RASGRF2: variants seen among roughly 807,000 people sequenced by gnomAD.
RASGRF2 encodes ras-specific guanine nucleotide-releasing factor 2.
In RASGRF2, 76 loss-of-function variants were observed where a neutral mutation model predicts 151.0. That is an observed-to-expected ratio of 0.50 (90% CI 0.42 to 0.61). RASGRF2 has a LOEUF of 0.61. RASGRF2 is among the 20% of genes least tolerant of loss of function. The pLI, the probability that RASGRF2 is intolerant of heterozygous loss-of-function variation, is 0.00. For missense variants in RASGRF2, 1,148 were observed against 1,564.6 expected (o/e 0.73, Z 4.49); for synonymous variants, 504 against 566.5 (o/e 0.89, Z 1.57).
At chr5:81,043,095 T>C (rs1750729705) in intron 2 of RASGRF2, 112 bp downstream of exon 2, 1 of 706,392 alleles carries the variant, frequency 1.4e-6, no homozygotes, top group Admixed American at 2.7e-5. Flanking sequence ...AGTTTTCTCC[T>C]GGTACCTATT....
intron 15 of RASGRF2, among the ~76,000 whole-genome samples, chr5:81,120,072 G>A (rs1228085285): frequency 6.6e-6 from 1 of 152,072 alleles, no homozygotes; most frequent in African/African-American, 2.4e-5. Flanking sequence ...AGGCTTCTTA[G>A]TCACATTCAC....
At chr5:81,084,235 C>G (rs1752164146) in intron 7 of RASGRF2, among the ~76,000 whole-genome samples, 2 of 152,174 alleles carry the variant, frequency 1.3e-5, no homozygotes, top group African/African-American at 4.8e-5. Flanking sequence ...CTTTCCTACA[C>G]CTGTCCTGTT....
At chr5:81,167,632 C>G (rs1754543687) in intron 17 of RASGRF2, among the ~76,000 whole-genome samples, 1 of 152,140 alleles carries the variant, frequency 6.6e-6, no homozygotes, top group Non-Finnish European at 1.5e-5. Context: ...ATGGAAGCCC[C>G]CATGAGCAGC....
chr5:81,216,914 A>T (rs746972612), intron 24 of RASGRF2: 16 of 439,826 alleles, frequency 3.6e-5, no homozygotes, highest in South Asian at 1.6e-4. Flanking sequence ...AAAACAGAAA[A>T]CAAGTTTTTA....
At chr5:81,166,716 A>T (rs1754519356) in intron 17 of RASGRF2, among the ~76,000 whole-genome samples, 1 of 152,086 alleles carries the variant, frequency 6.6e-6, no homozygotes. Context: ...TATCAGATGC[A>T]TGGTGGGCAA....
intron 2 of RASGRF2, among the ~76,000 whole-genome samples, chr5:81,045,152 T>A (rs1750797472): frequency 6.6e-6 from 1 of 152,210 alleles, no homozygotes; most frequent in Admixed American, 6.5e-5. Flanking sequence ...GAAAGAAGCA[T>A]CAAGCTGGCA....
At chr5:81,147,830 G>A (rs1019579663) in intron 17 of RASGRF2, among the ~76,000 whole-genome samples, 2 of 152,194 alleles carry the variant, frequency 1.3e-5, no homozygotes, top group African/African-American at 4.8e-5. Flanking sequence ...AAACAGTAGA[G>A]CAACTTAGTC....
chr5:80,987,264 G>A (rs936194149), intron 1 of RASGRF2, among the ~76,000 whole-genome samples: 1 of 152,292 alleles, frequency 6.6e-6, no homozygotes, highest in South Asian at 2.1e-4. Flanking sequence ...GCTCCCATTT[G>A]TTGAGCACTG....
chr5:81,167,507 G>A (rs187287188), intron 17 of RASGRF2, among the ~76,000 whole-genome samples: 16 of 152,312 alleles, frequency 1.1e-4, no homozygotes, highest in Admixed American at 5.2e-4. Context: ...GTTAGAATCC[G>A]TCTGAAATTC....
intron 5 of RASGRF2, among the ~76,000 whole-genome samples, chr5:81,074,002 T>C (rs998089508): frequency 2.6e-5 from 4 of 152,206 alleles, no homozygotes; most frequent in African/African-American, 9.7e-5. Context: ...CATTGTCTTA[T>C]CGCATGGAGA....
chr5:81,087,662 C>G, intron 9 of RASGRF2: 1 of 418,190 alleles, frequency 2.4e-6, no homozygotes, highest in Non-Finnish European at 4.3e-6. Flanking sequence ...TAAACCACAT[C>G]CCAAGTTATT....
chr5:81,017,508 A>G (rs1022532164), intron 1 of RASGRF2, among the ~76,000 whole-genome samples: 2 of 152,222 alleles, frequency 1.3e-5, no homozygotes, highest in Admixed American at 6.5e-5. Context: ...AAGGGAATTG[A>G]ACCAATAGGG....
At chr5:80,983,868 T>G (rs1748391140) in intron 1 of RASGRF2, among the ~76,000 whole-genome samples, 1 of 152,252 alleles carries the variant, frequency 6.6e-6, no homozygotes, top group South Asian at 2.1e-4. Context: ...AAAGTTAATT[T>G]TACTTATTTC....
rs185403853 is a variant in RASGRF2, at chr5:81,020,105, T to C, written c.289-22772T>C. ...AATGAAAATTCACACAAAGCTACAA[T>C]TGATGCCAATAAGACCCAGACCTTT... On this transcript the variant is annotated intron_variant, in intron 1 of 26. Coordinates refer to ENST00000265080, the MANE Select transcript of RASGRF2 (RefSeq NM_006909.3). 8.4e-4 allele frequency among the ~76,000 whole-genome samples: 128 copies of C among 152,312 alleles called. 1 individual carries two copies. The East Asian group carries it at 0.021, about 25-fold the overall frequency.
intron 15 of RASGRF2, among the ~76,000 whole-genome samples, chr5:81,116,985 C>T (rs762041843): frequency 7.9e-5 from 12 of 152,146 alleles, no homozygotes; most frequent in South Asian, 2.1e-4. Flanking sequence ...GTTTGAATAA[C>T]GGTGCAATGA....
At chr5:81,022,055 C>T (rs571022115) in intron 1 of RASGRF2, among the ~76,000 whole-genome samples, 2 of 152,184 alleles carry the variant, frequency 1.3e-5, no homozygotes, top group South Asian at 2.1e-4. Context: ...GATTCTTGAG[C>T]AAAAAGATCT....
chr5:81,015,997 GT>G (rs1443873642), intron 1 of RASGRF2, among the ~76,000 whole-genome samples: 2 of 152,142 alleles, frequency 1.3e-5, no homozygotes, highest in Non-Finnish European at 2.9e-5. Flanking sequence ...AAAAGACTTA[GT>G]CATCACACTG....
At chr5:81,087,193 TG>T in intron 9 of RASGRF2, 1 of 703,208 alleles carries the variant, frequency 1.4e-6, no homozygotes, top group South Asian at 1.5e-5. Flanking sequence ...ACATTCTGAC[TG>T]GACGCTCCTC....
intron 1 of RASGRF2, among the ~76,000 whole-genome samples, chr5:80,995,283 G>A (rs1305833269): frequency 6.8e-6 from 1 of 148,080 alleles, no homozygotes; most frequent in East Asian, 2.0e-4. Flanking sequence ...AGTTTACTTA[G>A]GCCCCTTTGT....
Sources: allele counts gnomAD v4.1 joint callset (sites outside exome capture counted in the v4.1 genomes callset), GRCh38; gene constraint gnomAD v4.1.1; transcripts MANE v1.5; gene names NCBI Gene and HGNC (gene_info 2026-07-23, HGNC 2026-07-21).